CDH18: variants seen among roughly 807,000 people sequenced by gnomAD.
CDH18 encodes cadherin-18.
A neutral mutation model predicts 67.9 loss-of-function variants in CDH18; 31 were observed. The observed-to-expected ratio is 0.46, with a 90% confidence interval of 0.34 to 0.62. The LOEUF (loss-of-function observed/expected upper bound fraction) is 0.62, where lower values mean the gene tolerates loss of function less well. Ranked by LOEUF, CDH18 falls within the 20% of genes least tolerant of loss-of-function variation. CDH18 has a pLI of 0.01. For synonymous variants in CDH18, 362 were observed against 347.2 expected, an observed-to-expected ratio of 1.04 and a Z score of -0.48; for missense variants, 890 against 975.5, an observed-to-expected ratio of 0.91 and a Z score of 1.17.
intron 3 of CDH18, among the ~76,000 whole-genome samples, chr5:19,827,134 A>C (rs1349483526): frequency 6.6e-6 from 1 of 152,162 alleles, no homozygotes; most frequent in East Asian, 1.9e-4. Context: ...AGGCAAAAAG[A>C]AAAAGTGTTA....
chr5:20,281,343 C>G (rs965799850), intron 1 of CDH18, among the ~76,000 whole-genome samples: 1 of 152,122 alleles, frequency 6.6e-6, no homozygotes, highest in Non-Finnish European at 1.5e-5. Context: ...GGTTTTAGGT[C>G]TAACATTTAA....
intron 1 of CDH18, among the ~76,000 whole-genome samples, chr5:19,983,678 T>G (rs77991333): frequency 0.024 from 3,700 of 152,078 alleles, 118 homozygotes; most frequent in African/African-American, 0.081. Context: ...CATGTCAGGG[T>G]GCACTAGGGC....
chr5:20,134,742 T>C (rs540133267), intron 2 of CDH18, among the ~76,000 whole-genome samples: 5 of 152,268 alleles, frequency 3.3e-5, no homozygotes, highest in Admixed American at 3.3e-4. Context: ...CTTTGTTTAT[T>C]TCCTCCTTCC....
chr5:20,019,187 G>C (rs1422914664), intron 2 of CDH18, among the ~76,000 whole-genome samples: 2 of 152,170 alleles, frequency 1.3e-5, no homozygotes, highest in Non-Finnish European at 2.9e-5. Context: ...CAAAAGGAGT[G>C]AGAATTGTAG....
At chr5:19,528,575 T>C (rs1276022230) in intron 9 of CDH18, among the ~76,000 whole-genome samples, 2 of 151,876 alleles carry the variant, frequency 1.3e-5, no homozygotes, top group East Asian at 3.8e-4. Flanking sequence ...TCTCTCAATG[T>C]AGGAGTATGG....
chr5:19,920,571 T>C (rs1792324955), intron 2 of CDH18, among the ~76,000 whole-genome samples: 1 of 146,844 alleles, frequency 6.8e-6, no homozygotes, highest in African/African-American at 2.5e-5. Flanking sequence ...TGGAGTACAA[T>C]GGCACGATCT....
At chr5:19,960,826 A>AG (rs2150303164) in intron 2 of CDH18, among the ~76,000 whole-genome samples, 1 of 149,994 alleles carries the variant, frequency 6.7e-6, no homozygotes, top group Admixed American at 6.7e-5. Flanking sequence ...CACGCACACA[A>AG]ATATACATAC....
intron 1 of CDH18, among the ~76,000 whole-genome samples, chr5:20,544,914 T>C (rs1757258524): frequency 6.6e-6 from 1 of 152,180 alleles, no homozygotes; most frequent in Non-Finnish European, 1.5e-5. Context: ...CAAGGCAAGT[T>C]CCTTCTGCAC....
chr5:20,223,296 T>A (rs1393171946), intron 2 of CDH18, among the ~76,000 whole-genome samples: 1 of 152,146 alleles, frequency 6.6e-6, no homozygotes, highest in South Asian at 2.1e-4. Context: ...CGGAGTTACA[T>A]GGGGCCTGTA....
At chr5:19,606,583 G>T (rs1368063394) in intron 6 of CDH18, among the ~76,000 whole-genome samples, 1 of 151,840 alleles carries the variant, frequency 6.6e-6, no homozygotes, top group Non-Finnish European at 1.5e-5. Flanking sequence ...GCAGAAGAAA[G>T]GATTGGTGTA....
intron 1 of CDH18, among the ~76,000 whole-genome samples, chr5:19,982,942 G>C (rs981706179): frequency 3.3e-5 from 5 of 150,372 alleles, no homozygotes; most frequent in African/African-American, 1.2e-4. Context: ...TACTTGGGAG[G>C]CTGAGGCAGG....
chr5:20,394,461 G>T (rs1245868484), intron 1 of CDH18, among the ~76,000 whole-genome samples: 1 of 152,042 alleles, frequency 6.6e-6, no homozygotes, highest in Non-Finnish European at 1.5e-5. Flanking sequence ...TTTAAGATCT[G>T]AAACCATTAA....
intron 3 of CDH18, among the ~76,000 whole-genome samples, chr5:19,835,830 C>T (rs907397402): frequency 5.3e-5 from 8 of 152,030 alleles, no homozygotes; most frequent in African/African-American, 1.9e-4. Context: ...CCTTTTATAC[C>T]TGTGCATTTG....
intron 2 of CDH18, among the ~76,000 whole-genome samples, chr5:20,012,883 A>G (rs537781411): frequency 6.6e-6 from 1 of 152,142 alleles, no homozygotes; most frequent in East Asian, 1.9e-4. Flanking sequence ...GAGGGGATCT[A>G]CACACAGTGG....
chr5:19,718,439 C>A (rs1460963683), intron 5 of CDH18, among the ~76,000 whole-genome samples: 1 of 151,904 alleles, frequency 6.6e-6, no homozygotes, highest in Non-Finnish European at 1.5e-5. Flanking sequence ...CTTTGATTTT[C>A]AGTATGTTTG....
At chr5:19,674,732 T>C (rs1402224740) in intron 5 of CDH18, among the ~76,000 whole-genome samples, 2 of 152,160 alleles carry the variant, frequency 1.3e-5, no homozygotes, top group Non-Finnish European at 2.9e-5. Context: ...TCTAGAAAGC[T>C]TCCAAATAAT....
At chr5:19,571,224 C>T (rs746585382) in intron 8 of CDH18, among the ~76,000 whole-genome samples, 27 of 152,288 alleles carry the variant, frequency 1.8e-4, no homozygotes, top group Non-Finnish European at 2.9e-4. Context: ...CAAATCATCA[C>T]GCTTTGTACT....
chr5:20,193,485 C>T (rs1202883396), intron 2 of CDH18, among the ~76,000 whole-genome samples: 1 of 152,034 alleles, frequency 6.6e-6, no homozygotes, highest in Non-Finnish European at 1.5e-5. Context: ...AGCAGATTCA[C>T]AGCTGAATTC....
chr5:20,117,681 C>T (rs143228777), intron 2 of CDH18, among the ~76,000 whole-genome samples: 11 of 152,264 alleles, frequency 7.2e-5, no homozygotes, highest in Admixed American at 1.3e-4. Context: ...GAGAAGCGAA[C>T]AGAATTATAA....
Sources: allele counts gnomAD v4.1 joint callset (sites outside exome capture counted in the v4.1 genomes callset), GRCh38; gene constraint gnomAD v4.1.1; transcripts MANE v1.5; gene names NCBI Gene and HGNC (gene_info 2026-07-23, HGNC 2026-07-21).